THSD4: variants seen among roughly 807,000 people sequenced by gnomAD.
The protein encoded by THSD4 is thrombospondin type 1 domain containing 4, also known as thrombospondin type-1 domain-containing protein 4.
Under a neutral mutation model 119.0 loss-of-function variants are expected in THSD4, and 69 were observed. The ratio of observed to expected loss-of-function variants is 0.58; its 90% CI spans 0.48 to 0.71. THSD4 has a LOEUF of 0.71. THSD4 is among the 30% of genes least tolerant of loss of function. The pLI is 0.00. For missense variants in THSD4, 1,393 were observed against 1,391.1 expected (o/e 1.00, Z -0.02); for synonymous variants, 524 against 540.4 (o/e 0.97, Z 0.42).
In THSD4 at chr15:71,442,579, A is replaced by AAAAAATATAT. The variant is rs1195413080; in HGVS notation, c.1152+30757_1152+30758insAAAATATATA. On this transcript the variant is annotated intron_variant, in intron 7 of 17. Coordinates refer to ENST00000261862, the MANE Select transcript of THSD4 (RefSeq NM_024817.3). ...GCAAAACTCCATCTCAAAAAAAAAA[A>AAAAAATATAT]ATATATATATATATATATATATGTG... Among the ~76,000 whole-genome samples, 11 of 39,854 alleles carry AAAAAATATAT rather than the reference A, an allele frequency of 2.8e-4. No individual in the cohort carries two copies. In the East Asian group the frequency reaches 5.4e-3, roughly 20 times the overall value. The allele number at this position is 39,854 out of a possible 152,430, so 26.1% of individuals were successfully genotyped here. A position where few individuals can be genotyped will look rare whatever the true frequency, so the allele number is the denominator to read the frequency against.
rs575581229 is a variant in THSD4, at chr15:71,708,464, T to A, written c.1358-20085T>A. Among the ~76,000 whole-genome samples, 6 of 152,292 alleles carry A rather than the reference T, an allele frequency of 3.9e-5. No individual in the cohort carries two copies. The South Asian group carries it at 8.3e-4, about 21-fold the overall frequency. On this transcript the variant is annotated intron_variant, in intron 8 of 17. Transcript: ENST00000261862. Reference sequence around the variant, plus strand: ...GTAGGGTCAGTAATGGGAGTTTGAATGAGACAGTCTTGAGAAAATACCAAA... The same window carrying A: ...GTAGGGTCAGTAATGGGAGTTTGAAAGAGACAGTCTTGAGAAAATACCAAA...
intron 7 of THSD4, among the ~76,000 whole-genome samples, chr15:71,474,186 AT>A (rs937070345): frequency 1.3e-5 from 2 of 152,018 alleles, no homozygotes; most frequent in African/African-American, 4.8e-5. Flanking sequence ...AAATGGGAAC[AT>A]TACAGCACAT....
rs376932160 is a variant in THSD4 at position 71,201,813 on chromosome 15, C to G, written c.100-13222C>G. On this transcript the variant is annotated intron_variant, in intron 3 of 17. Coordinates refer to ENST00000261862, the MANE Select transcript of THSD4 (RefSeq NM_024817.3). ...CCTAGGAGGGCTGCTGAGAGAGGCTCCTTTCTGCTGTACATATGGTTCACG... is the reference window on the plus strand; with the variant it reads ...CCTAGGAGGGCTGCTGAGAGAGGCTGCTTTCTGCTGTACATATGGTTCACG... 7.8e-3 allele frequency among the ~76,000 whole-genome samples: 1,190 copies of G among 152,278 alleles called. 9 individuals carry two copies. The highest frequency in any genetic ancestry group is 0.019 in the South Asian group (94 of 4,822).
chr15:71,431,685 T>C (rs1566980189), intron 7 of THSD4, among the ~76,000 whole-genome samples: 1 of 151,660 alleles, frequency 6.6e-6, no homozygotes, highest in Non-Finnish European at 1.5e-5. Context: ...AACGTGGTCT[T>C]GGGTGGCTGC....
intron 6 of THSD4, among the ~76,000 whole-genome samples, chr15:71,289,809 G>T (rs957404348): frequency 2.0e-5 from 3 of 152,094 alleles, no homozygotes; most frequent in African/African-American, 7.2e-5. Context: ...AACAAGGGAA[G>T]AATAGGAAAA....
chr15:71,287,076 A>C (rs561948636), intron 6 of THSD4, among the ~76,000 whole-genome samples: 81 of 152,252 alleles, frequency 5.3e-4, no homozygotes, highest in African/African-American at 1.9e-3. Flanking sequence ...CCTATGAGTA[A>C]ACATATTCCT....
intron 6 of THSD4, among the ~76,000 whole-genome samples, chr15:71,368,785 T>C (rs1421216517): frequency 2.0e-5 from 3 of 152,206 alleles, no homozygotes; most frequent in African/African-American, 7.2e-5. Flanking sequence ...TTTGGTTCCA[T>C]ATGAACTTTA....
chr15:71,247,764 A>G (rs1274275055), intron 5 of THSD4, among the ~76,000 whole-genome samples: 1 of 152,202 alleles, frequency 6.6e-6, no homozygotes, highest in Non-Finnish European at 1.5e-5. Context: ...GTCATGATTA[A>G]TCCGCAGCCC....
At chr15:71,645,213 C>T (rs1174848020) in intron 7 of THSD4, among the ~76,000 whole-genome samples, 1 of 152,092 alleles carries the variant, frequency 6.6e-6, no homozygotes, top group Non-Finnish European at 1.5e-5. Context: ...GCTATGAAGG[C>T]CTGCCCAAGA....
intron 6 of THSD4, among the ~76,000 whole-genome samples, chr15:71,301,196 CAG>C (rs1335289986): frequency 6.6e-6 from 1 of 152,154 alleles, no homozygotes; most frequent in African/African-American, 2.4e-5. Flanking sequence ...TTTCACCACT[CAG>C]AAATAACTTC....
chr15:71,782,721 T>C lies in THSD4; in HGVS notation c.*5347T>C, dbSNP rs1341089908. 6.6e-6 allele frequency: 1 copy of C among 152,248 alleles called. No individual in the cohort carries two copies. Among genetic ancestry groups the C allele is most frequent in the African/African-American group, 2.4e-5 (1 of 41,460 alleles). The allele number at this position is 152,248 out of a possible 1,614,324, so 9.4% of individuals were successfully genotyped here. A position where few individuals can be genotyped will look rare whatever the true frequency, so the allele number is the denominator to read the frequency against. On this transcript the variant is annotated 3_prime_UTR_variant, in exon 18 of 18. Transcript: ENST00000261862. Reference sequence around the variant, plus strand: ...CAGTTCCCTGAGGTTTAAGATCAAATATAAATTACTCTGCTTTTCGACTCA... The same window carrying C: ...CAGTTCCCTGAGGTTTAAGATCAAACATAAATTACTCTGCTTTTCGACTCA...
At chr15:71,672,162 T>A (rs1255779322) in intron 8 of THSD4, among the ~76,000 whole-genome samples, 1 of 152,206 alleles carries the variant, frequency 6.6e-6, no homozygotes. Flanking sequence ...TTATTTTTGT[T>A]GAGCAGTGGT....
intron 7 of THSD4, among the ~76,000 whole-genome samples, chr15:71,597,186 T>A (rs2049920965): frequency 6.6e-6 from 1 of 152,218 alleles, no homozygotes; most frequent in Non-Finnish European, 1.5e-5. Context: ...ATGTCTCAAA[T>A]TCTTGGGGAC....
rs566791816 is a variant in THSD4 at position 71,150,084 on chromosome 15, C to T, written c.30-4779C>T. Reference sequence around the variant, plus strand: ...TAGGAATGTAGCTTCCCCCACGCCACTTGGAAAGGAGTGTGGGATTTGTTT... The same window carrying T: ...TAGGAATGTAGCTTCCCCCACGCCATTTGGAAAGGAGTGTGGGATTTGTTT... On this transcript the variant is annotated intron_variant, in intron 2 of 17. Coordinates refer to ENST00000261862, the MANE Select transcript of THSD4 (RefSeq NM_024817.3). Among the ~76,000 whole-genome samples, 16 of 152,132 alleles carry T rather than the reference C, an allele frequency of 1.1e-4. No homozygotes were observed. The South Asian group carries it at 2.9e-3, about 28-fold the overall frequency.
At chr15:71,480,694 A>G (rs2047717403) in intron 7 of THSD4, among the ~76,000 whole-genome samples, 1 of 152,174 alleles carries the variant, frequency 6.6e-6, no homozygotes, top group Non-Finnish European at 1.5e-5. Flanking sequence ...AGGAGTGCAA[A>G]GCCCAATCAC....
intron 8 of THSD4, among the ~76,000 whole-genome samples, chr15:71,724,282 TATATA>T (rs761760242): frequency 0.23 from 12,386 of 53,318 alleles, 1,661 homozygotes; most frequent in African/African-American, 0.31. Flanking sequence ...TATATATATA[TATATA>T]TTTTTTTTTT....
upstream of THSD4, among the ~76,000 whole-genome samples, chr15:71,113,987 C>T (rs1381773428): frequency 6.6e-6 from 1 of 151,654 alleles, no homozygotes; most frequent in Non-Finnish European, 1.5e-5. Context: ...GCTGTTAGAT[C>T]GACTTAATTT....
chr15:71,174,519 C>G (rs1410001972), intron 3 of THSD4, among the ~76,000 whole-genome samples: 1 of 95,204 alleles, frequency 1.1e-5, no homozygotes, highest in African/African-American at 3.9e-5. Context: ...GCTAGCACAG[C>G]AGTCTGAGAT....
At chr15:71,110,831 A>G (rs2040298656), upstream of THSD4, 1 of 335,330 alleles carries the variant, frequency 3.0e-6, no homozygotes, top group African/African-American at 2.1e-5. Context: ...TTAGTCGTTC[A>G]TAGTTGGCTT....
Sources: allele counts gnomAD v4.1 joint callset (sites outside exome capture counted in the v4.1 genomes callset), GRCh38; gene constraint gnomAD v4.1.1; transcripts MANE v1.5; gene names NCBI Gene and HGNC (gene_info 2026-07-23, HGNC 2026-07-21).